Variants in AKAP19 observed in about 807,000 individuals in gnomAD.
AKAP19 encodes A-kinase anchoring protein 19.
the AKAP19 span, among the ~76,000 whole-genome samples, chr2:190,092,523 G>T: frequency 0.016 from 2,422 of 152,048 alleles, 34 homozygotes; most frequent in Middle Eastern, 0.027. Flanking sequence ...TCAGAAACTG[G>T]GTTTGTCAGC....
the AKAP19 span, among the ~76,000 whole-genome samples, chr2:190,037,159 C>G: frequency 6.6e-6 from 1 of 152,140 alleles, no homozygotes; most frequent in Non-Finnish European, 1.5e-5. Flanking sequence ...AAGTATATCC[C>G]CTGGGTAATC....
At chr2:189,973,627 G>A in the AKAP19 span, among the ~76,000 whole-genome samples, 18 of 152,078 alleles carry the variant, frequency 1.2e-4, no homozygotes, top group Non-Finnish European at 2.1e-4. Flanking sequence ...ACTTTTTTTG[G>A]TTGGTAGGCT....
the AKAP19 span, among the ~76,000 whole-genome samples, chr2:190,080,583 C>T: frequency 6.6e-6 from 1 of 152,210 alleles, no homozygotes; most frequent in African/African-American, 2.4e-5. Context: ...ATGTTCACAT[C>T]TAGTTCCAGC....
the AKAP19 span, among the ~76,000 whole-genome samples, chr2:190,010,877 G>A: frequency 6.6e-6 from 1 of 151,956 alleles, no homozygotes; most frequent in South Asian, 2.1e-4. Context: ...ACAATGTTAT[G>A]TACCCTTTGA....
At chr2:190,062,442 C>T in the AKAP19 span, 3 of 1,613,310 alleles carry the variant, frequency 1.9e-6, no homozygotes, top group Non-Finnish European at 2.5e-6. Context: ...GGCTTCTATT[C>T]TTGAAGATTT....
the AKAP19 span, among the ~76,000 whole-genome samples, chr2:190,051,428 C>G: frequency 1.3e-5 from 2 of 152,108 alleles, no homozygotes; most frequent in Non-Finnish European, 2.9e-5. Flanking sequence ...TGTCTTTGGC[C>G]AGGATGAGGA....
the AKAP19 span, among the ~76,000 whole-genome samples, chr2:189,954,551 A>G: frequency 6.6e-6 from 1 of 152,246 alleles, no homozygotes; most frequent in Non-Finnish European, 1.5e-5. Context: ...GGTCATCACC[A>G]AGGTCTGACT....
chr2:190,167,619 C>T, the AKAP19 span, among the ~76,000 whole-genome samples: 1 of 152,206 alleles, frequency 6.6e-6, no homozygotes, highest in South Asian at 2.1e-4. Flanking sequence ...GGTAAAGGCA[C>T]TGGGTAAATA....
At chr2:190,134,097 A>G in the AKAP19 span, among the ~76,000 whole-genome samples, 1 of 152,170 alleles carries the variant, frequency 6.6e-6, no homozygotes, top group Non-Finnish European at 1.5e-5. Flanking sequence ...AAATATATAT[A>G]TTTTGTGTGA....
chr2:190,070,620 C>T, the AKAP19 span, among the ~76,000 whole-genome samples: 7 of 139,624 alleles, frequency 5.0e-5, no homozygotes, highest in Admixed American at 2.1e-4. Flanking sequence ...TCTCTCCCCC[C>T]CCCCTTTTTT....
At chr2:189,916,843 G>A in the AKAP19 span, among the ~76,000 whole-genome samples, 1 of 152,036 alleles carries the variant, frequency 6.6e-6, no homozygotes, top group Non-Finnish European at 1.5e-5. Context: ...ACCACAGTTT[G>A]TTTAGTCATT....
At chr2:190,203,328 CAGA>C in the AKAP19 span, 1 of 167,016 alleles carries the variant, frequency 6.0e-6, no homozygotes, top group African/African-American at 2.4e-5. Flanking sequence ...GGCATTAGTT[CAGA>C]AGCACTACCT....
chr2:189,910,346 T>A, the AKAP19 span, among the ~76,000 whole-genome samples: 3 of 152,030 alleles, frequency 2.0e-5, no homozygotes, highest in African/African-American at 7.2e-5. Flanking sequence ...GGGTACAGTG[T>A]ATTACTTTAT....
chr2:189,885,931 C>T, the AKAP19 span, among the ~76,000 whole-genome samples: 1 of 152,142 alleles, frequency 6.6e-6, no homozygotes, highest in Non-Finnish European at 1.5e-5. Context: ...GCCTCAGCCT[C>T]CCCAGTAGCT....
chr2:190,115,316 TTTTTTTTTTTTTTTTTTTTTTGA>T, the AKAP19 span, among the ~76,000 whole-genome samples: 1 of 32,672 alleles, frequency 3.1e-5, no homozygotes, highest in African/African-American at 1.2e-4. Flanking sequence ...TTTTTTTTTT[TTTTTTTTTTTTTTTTTTTTTTGA>T]GATGGAGTCT....
the AKAP19 span, among the ~76,000 whole-genome samples, chr2:189,970,743 G>C: frequency 6.6e-6 from 1 of 152,186 alleles, no homozygotes; most frequent in Non-Finnish European, 1.5e-5. Flanking sequence ...ACTGGTCACA[G>C]GCTGTACGTA....
chr2:190,047,329 A>G, the AKAP19 span, among the ~76,000 whole-genome samples: 1 of 151,976 alleles, frequency 6.6e-6, no homozygotes, highest in Non-Finnish European at 1.5e-5. Context: ...TTACTTATCC[A>G]TCAAACTTTT....
At chr2:189,961,458 T>A in the AKAP19 span, among the ~76,000 whole-genome samples, 2 of 152,306 alleles carry the variant, frequency 1.3e-5, no homozygotes, top group South Asian at 2.1e-4. Flanking sequence ...AGTTTTTATT[T>A]TTTTAATACT....
At chr2:190,144,165 G>A in the AKAP19 span, among the ~76,000 whole-genome samples, 3 of 119,224 alleles carry the variant, frequency 2.5e-5, no homozygotes, top group Admixed American at 9.9e-5. Flanking sequence ...AAAACTTAAA[G>A]TATAATAAAA....
Sources: gnomAD v4.1 joint callset for allele counts (sites outside exome capture counted in the v4.1 genomes callset) on GRCh38, gnomAD v4.1.1 for gene constraint, MANE v1.5 for transcripts, NCBI Gene and HGNC (gene_info 2026-07-23, HGNC 2026-07-21) for gene names.